CSGALNACT1: variants seen among roughly 807,000 people sequenced by gnomAD.
The protein encoded by CSGALNACT1 is chondroitin sulfate N-acetylgalactosaminyltransferase 1.
In CSGALNACT1, 52 loss-of-function variants were observed where a neutral mutation model predicts 51.0. That is an observed-to-expected ratio of 1.02 (90% CI 0.82 to 1.29). CSGALNACT1 has a LOEUF of 1.29. Among genes scored for constraint, CSGALNACT1 ranks in the 50% most tolerant of loss-of-function variants. CSGALNACT1 has a pLI of 0.00. For missense variants in CSGALNACT1, 935 were observed against 679.2 expected, an observed-to-expected ratio of 1.38 and a Z score of -4.19; for synonymous variants, 341 against 254.4, an observed-to-expected ratio of 1.34 and a Z score of -3.24.
At chr8:19,473,241 T>C (rs1425725055) in intron 4 of CSGALNACT1, among the ~76,000 whole-genome samples, 1 of 152,240 alleles carries the variant, frequency 6.6e-6, no homozygotes, top group Non-Finnish European at 1.5e-5. Context: ...TTTAGCAAGA[T>C]TGCTAGAGGA....
intron 1 of CSGALNACT1, among the ~76,000 whole-genome samples, chr8:19,677,763 A>G (rs2060301392): frequency 6.6e-6 from 1 of 152,198 alleles, no homozygotes; most frequent in Non-Finnish European, 1.5e-5. Context: ...TTGAGGAGAA[A>G]GGTAAAGCCA....
chr8:19,744,177 T>C (rs1239835966), intron 1 of CSGALNACT1, among the ~76,000 whole-genome samples: 1 of 152,274 alleles, frequency 6.6e-6, no homozygotes, highest in South Asian at 2.1e-4. Context: ...GAAAGACAGA[T>C]GGCTACGGGA....
intron 1 of CSGALNACT1, among the ~76,000 whole-genome samples, chr8:19,721,419 A>C (rs1418865739): frequency 6.6e-6 from 1 of 152,224 alleles, no homozygotes; most frequent in Non-Finnish European, 1.5e-5. Flanking sequence ...CCCAAAACAC[A>C]TAGGCACAGA....
intron 3 of CSGALNACT1, among the ~76,000 whole-genome samples, chr8:19,546,516 G>C (rs1460848125): frequency 6.6e-6 from 1 of 152,092 alleles, no homozygotes; most frequent in Non-Finnish European, 1.5e-5. Context: ...ATTAAGGATG[G>C]AACACAAAGC....
At chr8:19,408,468 CTTTTTTTTTTTT>C (rs1186216767) in intron 9 of CSGALNACT1, 133 bp downstream of exon 8, 466 of 468,558 alleles carry the variant, frequency 9.9e-4, no homozygotes, top group Middle Eastern at 1.8e-3. Flanking sequence ...TCTGGAATAG[CTTTTTTTTTTTT>C]TTTTTTTTTT....
rs150642641 is a variant in CSGALNACT1, at chr8:19,648,279, T to C, written c.-544+34194A>G. Reference sequence around the variant, plus strand: ...CAAGTATGGATGGGTATTTTTACTATTGCTGAACAAAACTGCATTTTAAAC... The same window carrying C: ...CAAGTATGGATGGGTATTTTTACTACTGCTGAACAAAACTGCATTTTAAAC... On this transcript the variant is annotated intron_variant, in intron 1 of 9. Coordinates refer to the CSGALNACT1 transcript ENST00000332246. 9.8e-5 allele frequency among the ~76,000 whole-genome samples: 15 copies of C among 152,318 alleles called. No homozygotes were observed. The East Asian group carries it at 2.1e-3, about 22-fold the overall frequency.
At chr8:19,519,613 T>C (rs1198484963) in intron 3 of CSGALNACT1, among the ~76,000 whole-genome samples, 1 of 152,146 alleles carries the variant, frequency 6.6e-6, no homozygotes, top group Non-Finnish European at 1.5e-5. Context: ...TGCCAAATCA[T>C]GCTTTGATCC....
At chr8:19,570,906 C>T (rs560789009) in intron 3 of CSGALNACT1, among the ~76,000 whole-genome samples, 109 of 152,190 alleles carry the variant, frequency 7.2e-4, no homozygotes, top group Non-Finnish European at 1.4e-3. Context: ...AGCAAGACTC[C>T]ATCTCAAAAA....
intron 3 of CSGALNACT1, among the ~76,000 whole-genome samples, chr8:19,546,319 G>A (rs142168353): frequency 0.011 from 1,665 of 152,076 alleles, 23 homozygotes; most frequent in South Asian, 0.058. Context: ...TCAATATTAC[G>A]GCTTTTATTT....
chr8:19,707,338 G>T (rs1387608845), intron 1 of CSGALNACT1, among the ~76,000 whole-genome samples: 7 of 152,104 alleles, frequency 4.6e-5, no homozygotes, highest in African/African-American at 1.7e-4. Flanking sequence ...TAAGGGACCC[G>T]ATAAAACCAC....
At chr8:19,645,151 G>A (rs1338221241) in intron 1 of CSGALNACT1, among the ~76,000 whole-genome samples, 1 of 152,182 alleles carries the variant, frequency 6.6e-6, no homozygotes, top group Non-Finnish European at 1.5e-5. Flanking sequence ...TCTCACCAAG[G>A]CAGGAGGCCG....
At chr8:19,476,487 C>T (rs1007194115) in intron 4 of CSGALNACT1, among the ~76,000 whole-genome samples, 1 of 152,124 alleles carries the variant, frequency 6.6e-6, no homozygotes, top group African/African-American at 2.4e-5. Flanking sequence ...GGTGATCCAC[C>T]CACCTCACCC....
chr8:19,521,116 T>C (rs937330591), intron 3 of CSGALNACT1, among the ~76,000 whole-genome samples: 2 of 152,108 alleles, frequency 1.3e-5, no homozygotes, highest in African/African-American at 2.4e-5. Flanking sequence ...GGCAGAAAAT[T>C]GAAACTGATA....
chr8:19,644,641 C>A (rs2057082307), intron 1 of CSGALNACT1, among the ~76,000 whole-genome samples: 1 of 135,520 alleles, frequency 7.4e-6, no homozygotes, highest in South Asian at 2.2e-4. Flanking sequence ...ACCCGGGAGG[C>A]AGAGGTTGCA....
chr8:19,563,822 C>T (rs1240987539), intron 3 of CSGALNACT1, among the ~76,000 whole-genome samples: 1 of 152,154 alleles, frequency 6.6e-6, no homozygotes, highest in Non-Finnish European at 1.5e-5. Context: ...GTCTAGCCTT[C>T]CTTGCGTAAC....
At chr8:19,474,004 G>C (rs2068804482) in intron 4 of CSGALNACT1, among the ~76,000 whole-genome samples, 1 of 152,198 alleles carries the variant, frequency 6.6e-6, no homozygotes, top group African/African-American at 2.4e-5. Context: ...CTGAGGACTA[G>C]CTTTTGGAAA....
intron 4 of CSGALNACT1, among the ~76,000 whole-genome samples, chr8:19,466,141 G>GA (rs904898930): frequency 1.3e-5 from 2 of 151,696 alleles, no homozygotes; most frequent in Admixed American, 6.6e-5. Context: ...ATTTTTAATG[G>GA]AAAAAAAATA....
At chr8:19,533,386 C>T (rs2975484) in intron 3 of CSGALNACT1, among the ~76,000 whole-genome samples, 47,406 of 152,010 alleles carry the variant, frequency 0.31, 7,685 homozygotes, top group Non-Finnish European at 0.35. Flanking sequence ...CCTCCCAAAG[C>T]ATTAGGATTA....
intron 5 of CSGALNACT1, among the ~76,000 whole-genome samples, chr8:19,450,112 G>A (rs1424073235): frequency 9.5e-6 from 1 of 105,704 alleles, no homozygotes; most frequent in Non-Finnish European, 2.0e-5. Flanking sequence ...GGAAGGGGAA[G>A]AGGAGGGAGA....
Sources: gnomAD v4.1 joint callset for allele counts (sites outside exome capture counted in the v4.1 genomes callset) on GRCh38, gnomAD v4.1.1 for gene constraint, MANE v1.5 for transcripts, NCBI Gene and HGNC (gene_info 2026-07-23, HGNC 2026-07-21) for gene names.